The following SATL1 variants were observed in gnomAD, a reference collection of about 807,000 sequenced individuals.
The protein encoded by SATL1 is spermidine/spermine N1-acetyl transferase like 1, also known as spermidine/spermine N(1)-acetyltransferase-like protein 1.
SATL1 carries 47 observed loss-of-function variants against 51.8 expected under a neutral mutation model. That is an observed-to-expected ratio of 0.91 (90% confidence interval 0.72 to 1.16). SATL1 has a LOEUF of 1.16. SATL1 is among the 50% of genes most tolerant of loss of function. The pLI is 0.00. For synonymous variants in SATL1, 176 were observed against 182.4 expected, an observed-to-expected ratio of 0.97 and a Z score of 0.28; for missense variants, 520 against 526.4, an observed-to-expected ratio of 0.99 and a Z score of 0.12.
chrX:85,217,482 T>C (rs773856418), intron 2 of SATL1, among the ~76,000 whole-genome samples: 4 of 111,156 alleles, frequency 3.6e-5, no homozygotes, highest in Non-Finnish European at 5.7e-5. Flanking sequence ...AAGGGAAAGA[T>C]AGTGCCCAAG....
Position 85,123,355 on chromosome X carries a change from T to TA in SATL1, c.-312-14076_-312-14075insT, listed in dbSNP as rs1389786775. ...TTTGATTTTTTAATTATAGCCATTC[T>TA]GACTGGTGTGAGATGGTATCTCATT... On this transcript the variant is annotated intron_variant, in intron 2 of 7. Coordinates refer to ENST00000644105, the MANE Select transcript of SATL1 (RefSeq NM_001367857.2). Among the ~76,000 whole-genome samples, 5 of 111,345 alleles carry TA rather than the reference T, an allele frequency of 4.5e-5. No individual in the cohort carries two copies. In the Admixed American group the frequency reaches 4.8e-4, roughly 11 times the overall value.
chrX:85,207,523 A>C (rs2147753518), intron 2 of SATL1: 1 of 111,892 alleles, frequency 8.9e-6, no homozygotes, highest in East Asian at 2.8e-4. Flanking sequence ...ATTTGATCAT[A>C]AATTTAAATG....
chrX:85,216,893 C>T (rs1052050701), intron 2 of SATL1, among the ~76,000 whole-genome samples: 1 of 111,692 alleles, frequency 9.0e-6, no homozygotes, highest in African/African-American at 3.3e-5. Flanking sequence ...AATTGAATAG[C>T]TCAGCTTTTT....
intron 2 of SATL1, among the ~76,000 whole-genome samples, chrX:85,137,661 T>A (rs1925995824): frequency 8.9e-6 from 1 of 111,908 alleles, no homozygotes; most frequent in Non-Finnish European, 1.9e-5. Flanking sequence ...TCCTGCTTAG[T>A]ATTCTCTGAG....
At chrX:85,135,767 A>G (rs763672133) in intron 2 of SATL1, among the ~76,000 whole-genome samples, 2 of 100,717 alleles carry the variant, frequency 2.0e-5, no homozygotes, top group Admixed American at 1.0e-4. Flanking sequence ...TTTCATAGAG[A>G]TGGGGTTTCA....
At position 85,107,823 on chromosome X, in the gene SATL1, C is replaced by T. The variant is rs1272570590; in HGVS notation, c.1146G>A (p.Trp382Ter). 2.9e-5 allele frequency: 35 copies of T among 1,208,993 alleles called. No homozygotes were observed. Among genetic ancestry groups the T allele is most frequent in the Admixed American group, 4.4e-5 (2 of 45,608 alleles). ...CACCTGACTGTCTCATGTCTAGTTG[C>T]CACATCACTGGTTGGCTTATACCTG... ...NQSGISQPVM[W>*]QLDMRQSGGS... Residue 382 changes from tryptophan (W) to a stop codon, truncating the protein, a stop_gained, in exon 3 of 8, where the codon TGG becomes TGA. Coordinates refer to ENST00000644105, the MANE Select transcript of SATL1 (RefSeq NM_001367857.2). LOFTEE classifies it high-confidence loss of function.
At chrX:85,124,768 T>C (rs978427041) in intron 2 of SATL1, among the ~76,000 whole-genome samples, 3 of 110,845 alleles carry the variant, frequency 2.7e-5, no homozygotes, top group African/African-American at 9.9e-5. Flanking sequence ...TGAAGCAGAT[T>C]TATTACTTAT....
intron 2 of SATL1, among the ~76,000 whole-genome samples, chrX:85,178,044 A>G (rs1042738916): frequency 2.7e-5 from 3 of 111,734 alleles, no homozygotes; most frequent in Non-Finnish European, 5.7e-5. Flanking sequence ...TTTTCAGCAT[A>G]TCATATTTTA....
At chrX:85,152,955 C>G (rs1926494861) in intron 2 of SATL1, among the ~76,000 whole-genome samples, 1 of 108,613 alleles carries the variant, frequency 9.2e-6, no homozygotes, top group South Asian at 4.0e-4. Flanking sequence ...TACCCTAAAA[C>G]TTAAAGTATA....
chrX:85,157,482 C>T (rs975478427), intron 2 of SATL1, among the ~76,000 whole-genome samples: 4 of 111,298 alleles, frequency 3.6e-5, no homozygotes, highest in Non-Finnish European at 7.6e-5. Flanking sequence ...TCTAGATAAA[C>T]CCTAAAAGTT....
chrX:85,140,497 T>C (rs1035356669), intron 2 of SATL1, among the ~76,000 whole-genome samples: 2 of 112,244 alleles, frequency 1.8e-5, no homozygotes, highest in African/African-American at 6.5e-5. Context: ...CCCTTTGAAA[T>C]ATGTTTGGCC....
intron 2 of SATL1, among the ~76,000 whole-genome samples, chrX:85,198,207 A>G (rs1330624655): frequency 8.9e-6 from 1 of 111,847 alleles, no homozygotes; most frequent in East Asian, 2.8e-4. Flanking sequence ...GTGCATATGT[A>G]CTATATTTTC....
intron 2 of SATL1, among the ~76,000 whole-genome samples, chrX:85,221,554 G>A (rs999659258): frequency 1.8e-5 from 2 of 111,578 alleles, no homozygotes; most frequent in African/African-American, 6.5e-5. Context: ...CTTGCTATGT[G>A]CTCTAGTCAT....
intron 1 of SATL1, among the ~76,000 whole-genome samples, chrX:85,239,458 G>C (rs1186352135): frequency 9.0e-6 from 1 of 111,673 alleles, no homozygotes; most frequent in Non-Finnish European, 1.9e-5. Context: ...GAGATCTATA[G>C]ATTAACACAA....
intron 2 of SATL1, among the ~76,000 whole-genome samples, chrX:85,159,434 G>C (rs1022454149): frequency 8.1e-5 from 9 of 110,455 alleles, no homozygotes; most frequent in Non-Finnish European, 1.3e-4. Flanking sequence ...AGAGATTGAG[G>C]TTGCATGCTC....
chrX:85,141,850 T>C (rs750835933), intron 2 of SATL1, among the ~76,000 whole-genome samples: 1 of 108,882 alleles, frequency 9.2e-6, no homozygotes, highest in Admixed American at 9.8e-5. Context: ...TTGTATCTTA[T>C]TTCTTACTAA....
chrX:85,178,142 C>T (rs1197566837), intron 2 of SATL1, among the ~76,000 whole-genome samples: 5 of 111,318 alleles, frequency 4.5e-5, no homozygotes, highest in African/African-American at 1.6e-4. Flanking sequence ...TGTCATATGT[C>T]AAGGTTACCC....
chrX:85,213,281 TA>T (rs1386691888), intron 2 of SATL1, among the ~76,000 whole-genome samples: 1 of 111,919 alleles, frequency 8.9e-6, no homozygotes, highest in Non-Finnish European at 1.9e-5. Context: ...TCCACTTAAA[TA>T]ATACATTAAA....
intron 2 of SATL1, among the ~76,000 whole-genome samples, chrX:85,169,051 G>T (rs199756173): frequency 8.9e-6 from 1 of 112,282 alleles, no homozygotes; most frequent in East Asian, 2.8e-4. Context: ...AAATGGTGCT[G>T]GGTTAAGTGG....
Sources: allele counts gnomAD v4.1 joint callset (sites outside exome capture counted in the v4.1 genomes callset), GRCh38; gene constraint gnomAD v4.1.1; transcripts MANE v1.5; gene names NCBI Gene and HGNC (gene_info 2026-07-23, HGNC 2026-07-21).